Variants in ZFR2 observed in about 807,000 individuals in gnomAD.
ZFR2 encodes the protein zinc finger RNA binding protein 2.
Under a neutral mutation model 105.7 loss-of-function variants are expected in ZFR2, and 104 were observed. The observed-to-expected ratio is 0.98, with a 90% CI of 0.84 to 1.16. The LOEUF is 1.16. Among genes scored for constraint, ZFR2 ranks in the 50% most tolerant of loss-of-function variants. ZFR2 has a pLI of 0.00. For synonymous variants in ZFR2, 634 were observed against 597.7 expected (o/e 1.06, Z -0.89); for missense variants, 1,425 against 1,355.5 (o/e 1.05, Z -0.80).
intron 1 of ZFR2, among the ~76,000 whole-genome samples, chr19:3,868,010 A>G (rs2038452684): frequency 1.3e-5 from 2 of 150,840 alleles, no homozygotes; most frequent in South Asian, 4.2e-4. Context: ...CAGTCGGGAA[A>G]CTTCCCAGGT....
intron 1 of ZFR2, among the ~76,000 whole-genome samples, chr19:3,843,062 C>A (rs1293974135): frequency 6.6e-6 from 1 of 151,470 alleles, no homozygotes; most frequent in Non-Finnish European, 1.5e-5. Flanking sequence ...AATTCCACTC[C>A]TAGGTTCCTA....
At chr19:3,837,183 G>A (rs1488152682) in intron 1 of ZFR2, among the ~76,000 whole-genome samples, 1 of 152,172 alleles carries the variant, frequency 6.6e-6, no homozygotes, top group Non-Finnish European at 1.5e-5. Context: ...TGTCACCCAG[G>A]TTGGAGTGCA....
chr19:3,813,112 T>C lies in ZFR2; in HGVS notation c.2242+708A>G, dbSNP rs2037785517. ...AAACAAACAAAAAATACCAAATCGA[T>C]TGAAAGAGAAACATCAGTAGGTCAT... On this transcript the variant is annotated intron_variant, in intron 14 of 18. Coordinates refer to ENST00000262961, the MANE Select transcript of ZFR2 (RefSeq NM_015174.2). The surrounding 1 kb of genome is among the most constrained non-coding windows in gnomAD (Gnocchi z 4.4). Among the ~76,000 whole-genome samples, 1 of 152,036 alleles carries C rather than the reference T, an allele frequency of 6.6e-6. No homozygotes were observed. Among genetic ancestry groups the C allele is most frequent in the East Asian group, 1.9e-4 (1 of 5,176 alleles).
Position 3,813,281 on chromosome 19 carries a change from G to A in ZFR2, c.2242+539C>T, listed in dbSNP as rs1017446110. On this transcript the variant is annotated intron_variant, in intron 14 of 18. Coordinates refer to ENST00000262961, the MANE Select transcript of ZFR2 (RefSeq NM_015174.2). This position sits in a 1 kb window ranked among gnomAD's most constrained non-coding sequence, Gnocchi z 4.4. ...GACGTGCAGTGTGTTACTGATGCCTGTCTTCGCTGTGGCCGCTGGCCAAGA... is the reference window on the plus strand; with the variant it reads ...GACGTGCAGTGTGTTACTGATGCCTATCTTCGCTGTGGCCGCTGGCCAAGA... Among the ~76,000 whole-genome samples the A allele has an allele frequency of 6.6e-6, 1 of 152,250 alleles. No individual in the cohort carries two copies. The highest frequency in any genetic ancestry group is 1.5e-5 in the Non-Finnish European group (1 of 68,052).
chr19:3,837,903 C>T (rs2038094362), intron 1 of ZFR2, among the ~76,000 whole-genome samples: 1 of 151,890 alleles, frequency 6.6e-6, no homozygotes, highest in Non-Finnish European at 1.5e-5. Flanking sequence ...ACCTGGTGAA[C>T]ACCATGACTG....
At chr19:3,845,908 G>C (rs558917164) in intron 1 of ZFR2, among the ~76,000 whole-genome samples, 114 of 152,300 alleles carry the variant, frequency 7.5e-4, no homozygotes, top group African/African-American at 2.6e-3. Flanking sequence ...GTGGGAAAAG[G>C]GCGCGGATTC....
chr19:3,827,370 C>G, intron 6 of ZFR2, 101 bp downstream of exon 6: 1 of 1,365,690 alleles, frequency 7.3e-7, no homozygotes, highest in Non-Finnish European at 9.5e-7. Flanking sequence ...GAGGCTTCTC[C>G]CAGCTCCCTC....
At chr19:3,832,792 T>G (rs1461975014) in intron 3 of ZFR2, among the ~76,000 whole-genome samples, 2 of 151,846 alleles carry the variant, frequency 1.3e-5, no homozygotes, top group Non-Finnish European at 2.9e-5. Context: ...CACACCACCA[T>G]GCCTGGCTAA....
At chr19:3,829,105 G>A (rs1472385475) in intron 5 of ZFR2, among the ~76,000 whole-genome samples, 7 of 151,988 alleles carry the variant, frequency 4.6e-5, no homozygotes, top group Admixed American at 4.6e-4. Flanking sequence ...GGGACTACAG[G>A]CGTCTGCCAC....
intron 1 of ZFR2, among the ~76,000 whole-genome samples, chr19:3,843,374 G>A (rs1476464353): frequency 6.6e-6 from 1 of 152,178 alleles, no homozygotes; most frequent in Non-Finnish European, 1.5e-5. Flanking sequence ...AAGAGGCTGA[G>A]CTGGGAGGAT....
At position 3,816,737 on chromosome 19, in the gene ZFR2, G is replaced by A; in HGVS notation, c.2040C>T (p.Cys680=). The stretch of plus-strand genomic sequence containing the variant: ...GCAGGCTGTGCGTGGGCTTCTCGGA[G>A]CAGAGCAGAGCGAGGCGCACGTTCC... The part of the protein sequence containing the change: ...GDRNVRLALL[C]SEKPTHSLLR... Residue 680 remains cysteine (C), a synonymous_variant, in exon 13 of 19, where the codon TGC becomes TGT. Transcript: ENST00000262961. The A allele has an allele frequency of 1.2e-6, 2 of 1,612,624 alleles. No individual in the cohort carries two copies. The highest frequency in any genetic ancestry group is 1.7e-6 in the Non-Finnish European group (2 of 1,179,756).
At chr19:3,808,518 T>C (rs1287361271) in intron 17 of ZFR2, among the ~76,000 whole-genome samples, 1 of 152,244 alleles carries the variant, frequency 6.6e-6, no homozygotes, top group African/African-American at 2.4e-5. Flanking sequence ...TGGATAATCT[T>C]TGGAGGACAG....
chr19:3,843,958 C>G (rs2038160387), intron 1 of ZFR2, among the ~76,000 whole-genome samples: 2 of 140,404 alleles, frequency 1.4e-5, no homozygotes, highest in Admixed American at 8.2e-5. Flanking sequence ...CTGTGTGGTT[C>G]CAGTCCTAGG....
intron 1 of ZFR2, among the ~76,000 whole-genome samples, chr19:3,853,523 C>T (rs2038264464): frequency 6.6e-6 from 1 of 152,114 alleles, no homozygotes; most frequent in Admixed American, 6.5e-5. Flanking sequence ...CACTCTAGCA[C>T]ATGCTGCATG....
chr19:3,839,536 C>CAAAAA lies in ZFR2; in HGVS notation c.54-4558_54-4554dup, dbSNP rs60712587. On this transcript the variant is annotated intron_variant, in intron 1 of 18. Transcript: ENST00000262961. ...CCTGGGTGACAGAGCGGGATTCTGT[C>CAAAAA]AAAAAAAAAAAAAAAAAAAAAAAAA... 7.9e-4 allele frequency among the ~76,000 whole-genome samples: 29 copies of CAAAAA among 36,638 alleles called. 2 individuals are homozygous for CAAAAA. The highest frequency in any genetic ancestry group is 1.4e-3 in the Non-Finnish European group (28 of 20,062). The allele number at this position is 36,638 out of a possible 152,430, so 24.0% of individuals were successfully genotyped here. A position where few individuals can be genotyped will look rare whatever the true frequency, so the allele number is the denominator to read the frequency against.
At chr19:3,807,144 CA>C in intron 18 of ZFR2, 27 bp downstream of exon 18, 3 of 1,524,122 alleles carry the variant, frequency 2.0e-6, no homozygotes, top group Non-Finnish European at 2.7e-6. Context: ...GCCTGGGTGT[CA>C]CCCTTGCCGT....
chr19:3,833,718 G>A lies in ZFR2; in HGVS notation c.325C>T (p.Gln109Ter). ...ARSYEDRPYFQSAALQSGRMT... is the reference protein window; with the variant it reads ...ARSYEDRPYF ...CGCCCAGACTGGAGGGCAGCAGACT[G>A]GAAGTACGGCCTGTCCTCATAGCTC... The change falls in exon 3 of 19, where the codon CAG becomes TAG. Residue 109 changes from glutamine to a stop codon, truncating the protein, a stop_gained. Coordinates refer to ENST00000262961, the MANE Select transcript of ZFR2 (RefSeq NM_015174.2). LOFTEE classifies it high-confidence loss of function. The A allele has an allele frequency of 6.3e-7, 1 of 1,581,504 alleles. No individual in the cohort carries two copies. Among genetic ancestry groups the A allele is most frequent in the Non-Finnish European group, 8.6e-7 (1 of 1,163,438 alleles).
At chr19:3,827,432 TC>T in intron 6 of ZFR2, 38 bp downstream of exon 6, 4 of 1,479,244 alleles carry the variant, frequency 2.7e-6, no homozygotes, top group Non-Finnish European at 3.6e-6. Flanking sequence ...GGGGGCCTTC[TC>T]CCCAGGGTGG....
At chr19:3,832,628 G>T (rs867683029) in intron 3 of ZFR2, among the ~76,000 whole-genome samples, 78 of 143,490 alleles carry the variant, frequency 5.4e-4, no homozygotes, top group Admixed American at 1.9e-3. Context: ...CCTTTATTTT[G>T]TTTTTTTTTT....
Sources: allele counts gnomAD v4.1 joint callset (sites outside exome capture counted in the v4.1 genomes callset), GRCh38; gene constraint gnomAD v4.1.1; non-coding constraint Gnocchi (gnomAD v3.1); transcripts MANE v1.5; gene names NCBI Gene and HGNC (gene_info 2026-07-23, HGNC 2026-07-21).